MORC2: variants seen among roughly 807,000 people sequenced by gnomAD.
MORC2 encodes the protein MORC family CW-type zinc finger 2.
In MORC2, 30 loss-of-function variants were observed where a neutral mutation model predicts 136.0. The ratio of observed to expected loss-of-function variants is 0.22; its 90% CI spans 0.17 to 0.30. The LOEUF (loss-of-function observed/expected upper bound fraction) is 0.30, where lower values mean the gene tolerates loss of function less well. Among genes scored for constraint, MORC2 ranks in the 10% least tolerant of loss-of-function variants. The pLI, the probability that MORC2 is intolerant of heterozygous loss-of-function variation, is 1.00. For synonymous variants in MORC2, 439 were observed against 487.0 expected, an observed-to-expected ratio of 0.90 and a Z score of 1.30; for missense variants, 922 against 1,333.1, an observed-to-expected ratio of 0.69 and a Z score of 4.80.
Position 30,967,136 on chromosome 22 carries a change from A to G in MORC2, c.68+686T>C, listed in dbSNP as rs76802795. On this transcript the variant is annotated intron_variant, in intron 1 of 25. Coordinates refer to ENST00000397641, the MANE Select transcript of MORC2 (RefSeq NM_001303256.3). ...TTGACGCTACTGGACAGCCTCCAAG[A>G]GAGTGGGCATATGGATTAAACCTGA... 9.8e-4 allele frequency: 964 copies of G among 985,422 alleles called. 5 individuals carry two copies. Among genetic ancestry groups the G allele is most frequent in the Non-Finnish European group, 9.9e-4 (822 of 829,952 alleles). 61.0% of individuals were successfully genotyped at this position (985,422 alleles called of 1,614,324 possible).
intron 5 of MORC2, among the ~76,000 whole-genome samples, chr22:30,946,677 TACA>T (rs2040820844): frequency 6.6e-6 from 1 of 151,820 alleles, no homozygotes; most frequent in African/African-American, 2.4e-5. Context: ...AGTCTTTACT[TACA>T]ACGTTCTCAA....
chr22:30,956,887 T>C (rs2040974582), intron 2 of MORC2, 90 bp from the exon 3 acceptor site: 2 of 1,081,964 alleles, frequency 1.8e-6, no homozygotes, highest in Non-Finnish European at 2.7e-6. Context: ...GCAGAGTATT[T>C]TGAGTCTGTT....
At chr22:30,936,676 A>T (rs1246167837) in intron 16 of MORC2, 33 bp from the exon 17 acceptor site, 1 of 1,605,052 alleles carries the variant, frequency 6.2e-7, no homozygotes, top group Non-Finnish European at 8.5e-7. Context: ...AGGTCGTGGC[A>T]AACAGAGCGC....
Position 30,937,724 on chromosome 22 carries a change from C to T in MORC2, c.1370-13G>A. On this transcript the variant is annotated splice_polypyrimidine_tract_variant and intron_variant, in intron 14 of 25. Transcript: ENST00000397641. The surrounding 1 kb of genome is among the most constrained non-coding windows in gnomAD (Gnocchi z 4.7). ...ATTCCCCTCTGGGCTGGAAAGCAAA[C>T]ACCGATACATCATGTTAGGAGCCAG... is the stretch of plus-strand genomic sequence containing the variant. The T allele has an allele frequency of 1.2e-6, 2 of 1,614,120 alleles. No homozygotes were observed. The highest frequency in any genetic ancestry group is 1.7e-6 in the Non-Finnish European group (2 of 1,180,016).
chr22:30,958,791 A>G (rs2147309011), intron 1 of MORC2, 97 bp from the exon 2 acceptor site: 1 of 1,142,096 alleles, frequency 8.8e-7, no homozygotes, highest in Admixed American at 2.2e-5. Flanking sequence ...TTTTTGAAAA[A>G]AATCTTAAAA....
At chr22:30,927,791 T>C (rs2040511208) in intron 25 of MORC2, among the ~76,000 whole-genome samples, 1 of 152,224 alleles carries the variant, frequency 6.6e-6, no homozygotes, top group Admixed American at 6.5e-5. Context: ...AACCAGGTTG[T>C]ACGTCGGAAT....
At chr22:30,933,100 G>A (rs547003746) in intron 21 of MORC2, 70 bp from the exon 22 acceptor site, 6 of 1,588,276 alleles carry the variant, frequency 3.8e-6, no homozygotes, top group Admixed American at 3.4e-5. Flanking sequence ...GGGCCACATC[G>A]AGAAAGGCAG....
intron 3 of MORC2, among the ~76,000 whole-genome samples, chr22:30,954,324 G>C (rs1478256256): frequency 1.3e-5 from 2 of 152,124 alleles, no homozygotes; most frequent in African/African-American, 4.8e-5. Flanking sequence ...TGTTAACAAG[G>C]CCCTGTGGTA....
intron 6 of MORC2, among the ~76,000 whole-genome samples, chr22:30,943,221 A>C (rs2040767224): frequency 6.6e-6 from 1 of 152,174 alleles, no homozygotes; most frequent in Admixed American, 6.5e-5. Context: ...GCAAAACTAA[A>C]CTATTATTTA....
At chr22:30,928,945 T>G (rs2040531571) in intron 24 of MORC2, among the ~76,000 whole-genome samples, 2 of 152,252 alleles carry the variant, frequency 1.3e-5, no homozygotes, top group African/African-American at 4.8e-5. Flanking sequence ...ATGAGGCCAC[T>G]GTGATGAACA....
Position 30,941,550 on chromosome 22 carries a change from T to A in MORC2, c.707A>T (p.Glu236Val). 1 of 1,613,140 alleles carries A rather than the reference T, an allele frequency of 6.2e-7. No individual in the cohort carries two copies. The highest frequency in any genetic ancestry group is 8.5e-7 in the Non-Finnish European group (1 of 1,179,284). The change falls in exon 9 of 26, where the codon GAG becomes GTG. Residue 236 changes from glutamate (E) to valine (V), a missense_variant. Glu to Val is a moderately radical substitution (Grantham distance 121). Transcript: ENST00000397641. The surrounding 1 kb of genome is among the most constrained non-coding windows in gnomAD (Gnocchi z 4.6). ...GGCATAGGCACGGAACGAGCGCCGC[T>A]CTGGCTTCCTGGAGAGGGCAAAAAC... ...AETSPEGTKP[E>V]RRSFRAYAAV...
intron 1 of MORC2, chr22:30,967,158 C>T (rs1569207307): frequency 3.0e-6 from 3 of 985,280 alleles, no homozygotes; most frequent in Admixed American, 6.1e-5. Context: ...TGGATTAAAC[C>T]TGAAACATTC....
In MORC2 at chr22:30,932,903, T is replaced by C. The variant is rs2040596513; in HGVS notation, c.2508A>G (p.Thr836=). The change falls in exon 22 of 26, where the codon ACA becomes ACG. Residue 836 remains threonine (T), a synonymous_variant. Transcript: ENST00000397641. This position sits in a 1 kb window ranked among gnomAD's most constrained non-coding sequence, Gnocchi z 4.4. ...TGGGGCATTACCAGCGGTCTCTTGG[T>C]GTCGTGTCTGTGGGCACGTAGTCAA... The part of the protein sequence containing the change: ...VKFDYVPTDT[T]PRDRWVEKGS... 1.9e-6 allele frequency: 3 copies of C among 1,614,160 alleles called. No individual in the cohort carries two copies. The highest frequency in any genetic ancestry group is 2.5e-6 in the Non-Finnish European group (3 of 1,180,016).
At chr22:30,943,519 C>T (rs1476079041) in intron 6 of MORC2, among the ~76,000 whole-genome samples, 1 of 152,224 alleles carries the variant, frequency 6.6e-6, no homozygotes, top group Non-Finnish European at 1.5e-5. Context: ...AAAAACCCAA[C>T]CTCATATGCC....
intron 1 of MORC2, among the ~76,000 whole-genome samples, chr22:30,960,228 A>G (rs547885550): frequency 6.6e-6 from 1 of 152,286 alleles, no homozygotes; most frequent in Admixed American, 6.5e-5. Flanking sequence ...TGGACTCCCA[A>G]AGTGCTGAGA....
rs570984517 is a variant in MORC2, at chr22:30,936,517, G to A, written c.1731C>T (p.Ala577=). 6.2e-7 allele frequency: 1 copy of A among 1,614,032 alleles called. No homozygotes were observed. The highest frequency in any genetic ancestry group is 2.2e-5 in the East Asian group (1 of 44,878). Residue 577 remains alanine, a synonymous_variant, in exon 17 of 26, where the codon GCC becomes GCT. Coordinates refer to ENST00000397641, the MANE Select transcript of MORC2 (RefSeq NM_001303256.3). ...KIRQQQEKLE[A]LQKTTPIRSQ... is the part of the protein sequence containing the mutation. The stretch of plus-strand genomic sequence containing the variant: ...CTGACCATGACCCACGTACCTGAAG[G>A]GCCTCCAGCTTCTCCTGCTGCTGGC...
chr22:30,926,761 T>C lies in MORC2; in HGVS notation c.*42A>G. The C allele has an allele frequency of 6.4e-7, 1 of 1,552,660 alleles. No individual in the cohort carries two copies. Among genetic ancestry groups the C allele is most frequent in the Admixed American group, 1.7e-5 (1 of 59,616 alleles). ...GTCCCCTCCCCCTGCAGCTACAGGG[T>C]TGAGGGGCAGGTGGGCAGGGGAGCT... On this transcript the variant is annotated 3_prime_UTR_variant, in exon 26 of 26. Coordinates refer to ENST00000397641, the MANE Select transcript of MORC2 (RefSeq NM_001303256.3).
intron 5 of MORC2, among the ~76,000 whole-genome samples, chr22:30,946,853 G>A (rs2040824073): frequency 6.6e-6 from 1 of 152,054 alleles, no homozygotes; most frequent in South Asian, 2.1e-4. Flanking sequence ...CCCTCTGACT[G>A]TACCACCATC....
intron 2 of MORC2, among the ~76,000 whole-genome samples, 179 bp from the exon 3 acceptor site, chr22:30,956,976 A>G (rs1209494104): frequency 3.9e-5 from 6 of 152,202 alleles, no homozygotes; most frequent in Non-Finnish European, 5.9e-5. Context: ...TTTTCTTTAT[A>G]TATCTGTAAA....
Sources: gnomAD v4.1 joint callset for allele counts (sites outside exome capture counted in the v4.1 genomes callset) on GRCh38, gnomAD v4.1.1 for gene constraint, Gnocchi (gnomAD v3.1) non-coding constraint, MANE v1.5 for transcripts, NCBI Gene and HGNC (gene_info 2026-07-23, HGNC 2026-07-21) for gene names.